The following ATXN7L1 variants were observed in gnomAD, a reference collection of about 807,000 sequenced individuals.
ATXN7L1 encodes the protein ataxin-7-like protein 1.
ATXN7L1 carries 15 observed loss-of-function variants against 70.8 expected under a neutral mutation model. That is an observed-to-expected ratio of 0.21 (90% CI 0.14 to 0.33). ATXN7L1 has a LOEUF of 0.33. Ranked by LOEUF, ATXN7L1 falls within the 10% of genes least tolerant of loss-of-function variation. The pLI is 1.00. For synonymous variants in ATXN7L1, 440 were observed against 445.1 expected (o/e 0.99, Z 0.14); for missense variants, 975 against 1,097.1 (o/e 0.89, Z 1.57).
intron 3 of ATXN7L1, among the ~76,000 whole-genome samples, chr7:105,684,994 T>C (rs981482265): frequency 2.0e-5 from 3 of 151,640 alleles, no homozygotes; most frequent in Admixed American, 6.6e-5. Flanking sequence ...TTAAGCAGGG[T>C]ATTACACACA....
chr7:105,873,276 C>T lies in ATXN7L1; in HGVS notation c.250+2536G>A, dbSNP rs916622420. On this transcript the variant is annotated intron_variant, in intron 2 of 11. Transcript: ENST00000419735. The stretch of plus-strand genomic sequence containing the variant: ...TTTGTTCATTCATTCCCATTAAAGC[C>T]GAATTTCTTCTCAAGACCTGCTTAA... Among the ~76,000 whole-genome samples, 5 of 152,332 alleles carry T rather than the reference C, an allele frequency of 3.3e-5. No individual in the cohort carries two copies. In the South Asian group the frequency reaches 8.3e-4, roughly 25 times the overall value.
chr7:105,720,485 C>A (rs1262655098), intron 3 of ATXN7L1, among the ~76,000 whole-genome samples: 1 of 152,186 alleles, frequency 6.6e-6, no homozygotes, highest in East Asian at 1.9e-4. Flanking sequence ...GTGTTGTGAT[C>A]ACAGCTCACG....
At chr7:105,652,496 G>A (rs1017175272) in intron 4 of ATXN7L1, among the ~76,000 whole-genome samples, 2 of 152,190 alleles carry the variant, frequency 1.3e-5, no homozygotes, top group African/African-American at 4.8e-5. Flanking sequence ...AACAGGCTCC[G>A]CTCAGGAGCA....
chr7:105,730,286 C>G (rs549939602), intron 3 of ATXN7L1, among the ~76,000 whole-genome samples: 1 of 152,260 alleles, frequency 6.6e-6, no homozygotes, highest in South Asian at 2.1e-4. Context: ...GTCTTTACCC[C>G]CAAAACATAT....
chr7:105,773,384 A>G (rs1802281275), intron 3 of ATXN7L1, among the ~76,000 whole-genome samples: 1 of 152,156 alleles, frequency 6.6e-6, no homozygotes, highest in Non-Finnish European at 1.5e-5. Context: ...CTGCCACACT[A>G]TACCCATCTC....
chr7:105,710,716 C>G (rs1441006812), intron 3 of ATXN7L1, among the ~76,000 whole-genome samples: 2 of 152,114 alleles, frequency 1.3e-5, no homozygotes, highest in African/African-American at 2.4e-5. Flanking sequence ...TTTAAACCAT[C>G]TTTTTGGTTT....
Position 105,624,160 on chromosome 7 carries a change from G to A in ATXN7L1, c.1310C>T (p.Ser437Phe). The A allele has an allele frequency of 6.5e-7, 1 of 1,535,156 alleles. No homozygotes were observed. Among genetic ancestry groups the A allele is most frequent in the South Asian group, 1.2e-5 (1 of 81,774 alleles). ...PVGGDLASRLSSDEGEMDGAD... is the reference protein window; with the variant it reads ...PVGGDLASRLFSDEGEMDGAD... ...TCCGTCCATCTCCCCTTCATCACTG[G>A]ACAGTCGGCTGGCGAGGTCACCTCC... is the stretch of plus-strand genomic sequence containing the variant. Residue 437 changes from serine (S) to phenylalanine (F), a missense_variant, in exon 8 of 12, where the codon TCC becomes TTC. Transcript: ENST00000419735.
At position 105,865,548 on chromosome 7, in the gene ATXN7L1, C is replaced by T. The variant is rs573889595; in HGVS notation, c.250+10264G>A. 3.3e-5 allele frequency among the ~76,000 whole-genome samples: 5 copies of T among 152,134 alleles called. No homozygotes were observed. In the South Asian group the frequency reaches 1.0e-3, roughly 32 times the overall value. ...TCCTGAGCAGCTGGGACTACAGGCACGTGCCACCATACCCAGCTAATTTTT... is the reference window on the plus strand; with the variant it reads ...TCCTGAGCAGCTGGGACTACAGGCATGTGCCACCATACCCAGCTAATTTTT... On this transcript the variant is annotated intron_variant, in intron 2 of 11. Transcript: ENST00000419735.
intron 9 of ATXN7L1, among the ~76,000 whole-genome samples, chr7:105,617,089 T>C (rs1211496052): frequency 6.6e-6 from 1 of 151,942 alleles, no homozygotes; most frequent in African/African-American, 2.4e-5. Flanking sequence ...TGCAGTGGTG[T>C]GATCTCAGTT....
In ATXN7L1 at chr7:105,613,929, T is replaced by A. The variant is rs1244661752; in HGVS notation, c.2405A>T (p.His802Leu). 4 of 1,552,100 alleles carry A rather than the reference T, an allele frequency of 2.6e-6. No homozygotes were observed. Among genetic ancestry groups the A allele is most frequent in the Non-Finnish European group, 3.5e-6 (4 of 1,147,054 alleles). Reference protein sequence around the residue: ...ITKMPGMNSVHKKNPPSLLAP... With the variant: ...ITKMPGMNSVLKKNPPSLLAP... The stretch of plus-strand genomic sequence containing the variant: ...GAGAAGGCTGGGCGGGTTCTTTTTG[T>A]GAACGCTATTCATACCAGGCATTTT... The change falls in exon 10 of 12, where the codon CAC becomes CTC. Residue 802 changes from histidine to leucine, a missense_variant. His to Leu is a moderately conservative substitution (Grantham distance 99). Coordinates refer to ENST00000419735, the MANE Select transcript of ATXN7L1 (RefSeq NM_020725.2).
intron 11 of ATXN7L1, among the ~76,000 whole-genome samples, chr7:105,609,943 T>A (rs1241792836): frequency 2.6e-5 from 4 of 152,074 alleles, no homozygotes; most frequent in African/African-American, 9.7e-5. Flanking sequence ...GGTTACTTTT[T>A]GTATTTTTTA....
At position 105,684,046 on chromosome 7, in the gene ATXN7L1, C is replaced by T. The variant is rs191137995; in HGVS notation, c.356-18758G>A. Among the ~76,000 whole-genome samples, 3 of 152,330 alleles carry T rather than the reference C, an allele frequency of 2.0e-5. No homozygotes were observed. In the East Asian group the frequency reaches 5.8e-4, roughly 29 times the overall value. On this transcript the variant is annotated intron_variant, in intron 3 of 11. Transcript: ENST00000419735. Reference sequence around the variant, plus strand: ...CTGCCAGGCATAGCTTCACTGCAGGCTCCATCTGGGGCGGTGCATCAGGTA... The same window carrying T: ...CTGCCAGGCATAGCTTCACTGCAGGTTCCATCTGGGGCGGTGCATCAGGTA...
intron 3 of ATXN7L1, among the ~76,000 whole-genome samples, chr7:105,736,778 G>C (rs1383006754): frequency 6.6e-6 from 1 of 152,242 alleles, no homozygotes; most frequent in Non-Finnish European, 1.5e-5. Flanking sequence ...AGTGGGGGCT[G>C]GTGCTGCCCA....
intron 3 of ATXN7L1, among the ~76,000 whole-genome samples, chr7:105,706,536 A>G (rs180950368): frequency 6.6e-5 from 10 of 152,292 alleles, no homozygotes; most frequent in Admixed American, 5.9e-4. Flanking sequence ...TGCCTGTTAC[A>G]GCAAAAAACA....
intron 3 of ATXN7L1, among the ~76,000 whole-genome samples, chr7:105,697,289 G>C (rs576641848): frequency 1.3e-5 from 2 of 152,106 alleles, no homozygotes; most frequent in Non-Finnish European, 2.9e-5. Flanking sequence ...CTGCAATCTC[G>C]ACCATAAGAG....
chr7:105,632,945 A>C, intron 7 of ATXN7L1, among the ~76,000 whole-genome samples: 1 of 150,648 alleles, frequency 6.6e-6, no homozygotes, highest in East Asian at 1.9e-4. Context: ...AAAAAAAAAA[A>C]AAAGAAGAAG....
intron 4 of ATXN7L1, among the ~76,000 whole-genome samples, chr7:105,644,888 A>T (rs1481715464): frequency 6.6e-6 from 1 of 152,260 alleles, no homozygotes; most frequent in Non-Finnish European, 1.5e-5. Flanking sequence ...CCATCAATGG[A>T]TGAATGGATA....
intron 6 of ATXN7L1, 105 bp from the exon 7 acceptor site, chr7:105,638,714 G>A: frequency 2.9e-6 from 4 of 1,397,614 alleles, no homozygotes; most frequent in Non-Finnish European, 3.8e-6. Context: ...ATTTAGAGGT[G>A]CTTGAAAAGT....
At chr7:105,873,661 T>A (rs1818605904) in intron 2 of ATXN7L1, among the ~76,000 whole-genome samples, 1 of 152,212 alleles carries the variant, frequency 6.6e-6, no homozygotes, top group Non-Finnish European at 1.5e-5. Flanking sequence ...CATATATGGC[T>A]ATTTTGGTGA....
Sources: gnomAD v4.1 joint callset for allele counts (sites outside exome capture counted in the v4.1 genomes callset) on GRCh38, gnomAD v4.1.1 for gene constraint, MANE v1.5 for transcripts, NCBI Gene and HGNC (gene_info 2026-07-23, HGNC 2026-07-21) for gene names.